The following SCLY variants were observed in gnomAD, a reference collection of about 807,000 sequenced individuals.
The protein encoded by SCLY is selenocysteine lyase, also known as putative selenocysteine lyase.
SCLY carries 38 observed loss-of-function variants against 50.1 expected under a neutral mutation model. The observed-to-expected ratio is 0.76, with a 90% CI of 0.59 to 0.99. SCLY has a LOEUF of 0.99. SCLY is among the 50% of genes least tolerant of loss of function. The pLI is 0.00. For missense variants in SCLY, 600 were observed against 620.0 expected, an observed-to-expected ratio of 0.97 and a Z score of 0.34; for synonymous variants, 243 against 249.4, an observed-to-expected ratio of 0.97 and a Z score of 0.24.
rs548645936 is a variant in SCLY at position 238,083,573 on chromosome 2, T to C, written c.884+219T>C. 6.6e-6 allele frequency among the ~76,000 whole-genome samples: 1 copy of C among 152,204 alleles called. No homozygotes were observed. Among genetic ancestry groups the C allele is most frequent in the Middle Eastern group, 3.4e-3 (1 of 294 alleles). On this transcript the variant is annotated intron_variant, in intron 7 of 11. Transcript: ENST00000254663. The surrounding 1 kb of genome is among the most constrained non-coding windows in gnomAD (Gnocchi z 4.3). ...GAATGATTGAAAGCAATGAAGGAAA[T>C]CTCTGTTTCTTTTAACTGCTCCAAT...
chr2:238,087,317 A>G (rs983600568), intron 7 of SCLY, among the ~76,000 whole-genome samples: 1 of 152,322 alleles, frequency 6.6e-6, no homozygotes, highest in South Asian at 2.1e-4. Context: ...GAATGAAACA[A>G]GGAGTACCAC....
intron 7 of SCLY, among the ~76,000 whole-genome samples, chr2:238,087,103 T>C (rs1267538683): frequency 2.0e-5 from 3 of 151,290 alleles, no homozygotes; most frequent in South Asian, 2.1e-4. Flanking sequence ...GGCAGGTAGA[T>C]TGCTTGAGGC....
At position 238,081,605 on chromosome 2, in the gene SCLY, A is replaced by G. The variant is rs572062372; in HGVS notation, c.485-104A>G. On this transcript the variant is annotated intron_variant, in intron 4 of 11. Transcript: ENST00000254663. Reference sequence around the variant, plus strand: ...TTATAGTCTTCTGAACTTGGACAACAATTTACTTTTATAGTTGTAGAAAAC... The same window carrying G: ...TTATAGTCTTCTGAACTTGGACAACGATTTACTTTTATAGTTGTAGAAAAC... 11 of 1,468,462 alleles carry G rather than the reference A, an allele frequency of 7.5e-6. No individual in the cohort carries two copies. The South Asian group carries it at 1.4e-4, about 19-fold the overall frequency. 91.0% of individuals were successfully genotyped at this position (1,468,462 alleles called of 1,614,324 possible). A position where few individuals can be genotyped will look rare whatever the true frequency, so the allele number is the denominator to read the frequency against.
Position 238,083,378 on chromosome 2 carries a change from C to A in SCLY, c.884+24C>A. 1 of 1,459,312 alleles carries A rather than the reference C, an allele frequency of 6.9e-7. No individual in the cohort carries two copies. The highest frequency in any genetic ancestry group is 9.6e-7 in the Non-Finnish European group (1 of 1,039,182). The allele number at this position is 1,459,312 out of a possible 1,614,324, so 90.4% of individuals were successfully genotyped here. On this transcript the variant is annotated intron_variant, in intron 7 of 11. Transcript: ENST00000254663. The surrounding 1 kb of genome is among the most constrained non-coding windows in gnomAD (Gnocchi z 4.3). The stretch of plus-strand genomic sequence containing the variant: ...GGGTAAGGCAGAAAGTTAACAAAGT[C>A]TCTGACCTACTGACCGTGTCATTTG...
At chr2:238,097,095 G>A (rs901447146) in intron 11 of SCLY, among the ~76,000 whole-genome samples, 2 of 151,374 alleles carry the variant, frequency 1.3e-5, no homozygotes, top group Non-Finnish European at 2.9e-5. Flanking sequence ...AGGGCTTCTC[G>A]TGCTCAGTTC....
intron 11 of SCLY, 54 bp downstream of exon 11, chr2:238,096,930 G>A: frequency 6.7e-7 from 1 of 1,495,146 alleles, no homozygotes; most frequent in Non-Finnish European, 9.0e-7. Context: ...CGGGCACTGG[G>A]TGTGGTGGGC....
chr2:238,081,785 C>G lies in SCLY; in HGVS notation c.561C>G (p.Thr187=). The change falls in exon 5 of 12, where the codon ACC becomes ACG. Residue 187 remains threonine (T), a synonymous_variant. Coordinates refer to ENST00000254663, the MANE Select transcript of SCLY (RefSeq NM_016510.7). ...ACATCCTCGCGGCAGTCCGCCCGAC[C>G]ACACGCCTCGTGACCATCATGCTGG... ...VDDILAAVRP[T]TRLVTIMLAN... 6.2e-7 allele frequency: 1 copy of G among 1,614,202 alleles called. No individual in the cohort carries two copies. Among genetic ancestry groups the G allele is most frequent in the Non-Finnish European group, 8.5e-7 (1 of 1,180,036 alleles).
chr2:238,083,425 A>G lies in SCLY; in HGVS notation c.884+71A>G, dbSNP rs2065258540. On this transcript the variant is annotated intron_variant, in intron 7 of 11. Coordinates refer to ENST00000254663, the MANE Select transcript of SCLY (RefSeq NM_016510.7). The surrounding 1 kb of genome is among the most constrained non-coding windows in gnomAD (Gnocchi z 4.3). Reference sequence around the variant, plus strand: ...TTTGTAGAGCAGTGACATTGTAAAGAAACATGGCGCTGTTTCTTGGTCTCG... The same window carrying G: ...TTTGTAGAGCAGTGACATTGTAAAGGAACATGGCGCTGTTTCTTGGTCTCG... 3 of 1,153,394 alleles carry G rather than the reference A, an allele frequency of 2.6e-6. No individual in the cohort carries two copies. Among genetic ancestry groups the G allele is most frequent in the Non-Finnish European group, 3.9e-6 (3 of 761,782 alleles). The allele number at this position is 1,153,394 out of a possible 1,614,324, so 71.4% of individuals were successfully genotyped here. A position where few individuals can be genotyped will look rare whatever the true frequency, so the allele number is the denominator to read the frequency against.
intron 1 of SCLY, among the ~76,000 whole-genome samples, chr2:238,061,975 A>C (rs2065023169): frequency 6.6e-6 from 1 of 152,186 alleles, no homozygotes; most frequent in African/African-American, 2.4e-5. Flanking sequence ...CCTAAAGCAC[A>C]CACATTTGGC....
intron 6 of SCLY, chr2:238,082,982 A>T (rs1392101771): frequency 2.2e-6 from 1 of 463,922 alleles, no homozygotes; most frequent in Admixed American, 3.3e-5. Context: ...ATTCTATCAC[A>T]TGATGCGCAG....
At position 238,084,893 on chromosome 2, in the gene SCLY, C is replaced by CAAAAAAAAAAAAA. The variant is rs377025100; in HGVS notation, c.884+1545_884+1557dup. Among the ~76,000 whole-genome samples the CAAAAAAAAAAAAA allele has an allele frequency of 5.6e-5, 6 of 107,506 alleles. 1 individual carries two copies. The highest frequency in any genetic ancestry group is 7.3e-5 in the African/African-American group (2 of 27,240). The allele number at this position is 107,506 out of a possible 152,430, so 70.5% of individuals were successfully genotyped here. On this transcript the variant is annotated intron_variant, in intron 7 of 11. Transcript: ENST00000254663. ...TGGGTGACAGAGAGAGACTCCATCT[C>CAAAAAAAAAAAAA]AAAAAAAAAAAAAAAAAAGAAACCT...
In SCLY at chr2:238,093,857, C is replaced by G. The variant is rs376460957; in HGVS notation, c.922-4C>G. On this transcript the variant is annotated splice_region_variant and splice_polypyrimidine_tract_variant and intron_variant, in intron 8 of 11. Coordinates refer to ENST00000254663, the MANE Select transcript of SCLY (RefSeq NM_016510.7). ...GCATCCACTTGTTGTGTGTCTGCCC[C>G]CAGGCCGCGGAGCTGGTGACCCAGA... 12 of 1,613,190 alleles carry G rather than the reference C, an allele frequency of 7.4e-6. No individual in the cohort carries two copies. Among genetic ancestry groups the G allele is most frequent in the African/African-American group, 5.3e-5 (4 of 74,932 alleles).
chr2:238,092,057 T>G (rs940046509), intron 8 of SCLY: 1 of 152,278 alleles, frequency 6.6e-6, no homozygotes, highest in Non-Finnish European at 1.5e-5. Flanking sequence ...TTATTAACAG[T>G]GATAACTGTG....
At chr2:238,091,146 A>T (rs376117955) in intron 7 of SCLY, 72 bp from the exon 8 acceptor site, 1 of 1,327,510 alleles carries the variant, frequency 7.5e-7, no homozygotes, top group East Asian at 2.3e-5. Context: ...TTTTAACACA[A>T]TGACTTTCAT....
At chr2:238,075,374 G>A (rs1049303387) in intron 4 of SCLY, among the ~76,000 whole-genome samples, 2 of 152,070 alleles carry the variant, frequency 1.3e-5, no homozygotes, top group Non-Finnish European at 2.9e-5. Flanking sequence ...TTAGTGTCAG[G>A]GTAAAATTTG....
At chr2:238,061,543 C>G (rs914621497) in intron 1 of SCLY, among the ~76,000 whole-genome samples, 2 of 152,178 alleles carry the variant, frequency 1.3e-5, no homozygotes, top group African/African-American at 2.4e-5. Context: ...GGAAGTTGAT[C>G]ACGGGGCGAT....
chr2:238,071,666 A>T (rs2065129274), intron 4 of SCLY, among the ~76,000 whole-genome samples: 2 of 152,200 alleles, frequency 1.3e-5, no homozygotes, highest in Non-Finnish European at 1.5e-5. Context: ...TGCAGCAGCA[A>T]CCACTGTTAC....
chr2:238,082,386 A>G (rs1195667245), intron 6 of SCLY, among the ~76,000 whole-genome samples, 177 bp downstream of exon 6: 1 of 152,196 alleles, frequency 6.6e-6, no homozygotes, highest in African/African-American at 2.4e-5. Context: ...CATGGCCAGC[A>G]TGCCAGGACG....
chr2:238,071,808 G>C (rs915724320), intron 4 of SCLY, among the ~76,000 whole-genome samples: 3 of 152,092 alleles, frequency 2.0e-5, no homozygotes, highest in African/African-American at 7.2e-5. Context: ...ATAAGGACTT[G>C]GACCTTCATA....
Sources: allele counts gnomAD v4.1 joint callset (sites outside exome capture counted in the v4.1 genomes callset), GRCh38; gene constraint gnomAD v4.1.1; non-coding constraint Gnocchi (gnomAD v3.1); transcripts MANE v1.5; gene names NCBI Gene and HGNC (gene_info 2026-07-23, HGNC 2026-07-21).